Variants in INTU observed in about 807,000 individuals in gnomAD.
The protein encoded by INTU is inturned planar cell polarity protein.
A neutral mutation model predicts 100.5 loss-of-function variants in INTU; 68 were observed. The ratio of observed to expected loss-of-function variants is 0.68; its 90% CI spans 0.56 to 0.83. The LOEUF (loss-of-function observed/expected upper bound fraction) is 0.83, where lower values mean the gene tolerates loss of function less well. Ranked by LOEUF, INTU falls within the 40% of genes least tolerant of loss-of-function variation. The probability of loss-of-function intolerance (pLI) is 0.00; values close to 1 mark genes in which losing one functional copy is unlikely to be tolerated. For synonymous variants in INTU, 357 were observed against 395.7 expected, an observed-to-expected ratio of 0.90 and a Z score of 1.16; for missense variants, 1,071 against 1,114.7, an observed-to-expected ratio of 0.96 and a Z score of 0.56.
chr4:127,694,001 A>G (rs771590498), intron 8 of INTU, among the ~76,000 whole-genome samples: 12 of 152,026 alleles, frequency 7.9e-5, no homozygotes, highest in Non-Finnish European at 1.5e-4. Context: ...TTTTGCCCCT[A>G]TGTTCATCAG....
chr4:127,707,054 T>C lies in INTU; in HGVS notation c.2271+85T>C, dbSNP rs1051913525. 11 of 1,406,206 alleles carry C rather than the reference T, an allele frequency of 7.8e-6. No individual in the cohort carries two copies. In the African/African-American group the frequency reaches 1.6e-4, roughly 20 times the overall value. 87.1% of individuals were successfully genotyped at this position (1,406,206 alleles called of 1,614,324 possible). On this transcript the variant is annotated intron_variant, in intron 12 of 15. Transcript: ENST00000335251. ...TTATAATTGCAAGACATTTTTTTAG[T>C]GGCATACCATTCTTCATTTGACATG...
Position 127,669,126 on chromosome 4 carries a change from G to C in INTU, c.1063G>C (p.Glu355Gln). Residue 355 changes from glutamate to glutamine, a missense_variant, in exon 5 of 16, where the codon GAA becomes CAA. By Grantham distance (29) the Glu-to-Gln change is conservative. Transcript: ENST00000335251. Reference protein sequence around the residue: ...GIFLTLCDMLENVTGTQVTSS... With the variant: ...GIFLTLCDMLQNVTGTQVTSS... ...TTTTCTCACACTCTGTGACATGCTGGAAAACGTAACTGGGACACAAGTTAC... is the reference window on the plus strand; with the variant it reads ...TTTTCTCACACTCTGTGACATGCTGCAAAACGTAACTGGGACACAAGTTAC... 1.3e-6 allele frequency: 2 copies of C among 1,538,272 alleles called. No homozygotes were observed. Among genetic ancestry groups the C allele is most frequent in the Non-Finnish European group, 1.8e-6 (2 of 1,131,356 alleles).
At chr4:127,672,385 T>G (rs1728968914) in intron 5 of INTU, among the ~76,000 whole-genome samples, 1 of 152,022 alleles carries the variant, frequency 6.6e-6, no homozygotes, top group Admixed American at 6.6e-5. Flanking sequence ...TGTGACTGGC[T>G]TCTTTCATTT....
chr4:127,713,274 T>G (rs1246313670), intron 14 of INTU, among the ~76,000 whole-genome samples: 1 of 152,156 alleles, frequency 6.6e-6, no homozygotes, highest in Non-Finnish European at 1.5e-5. Flanking sequence ...GCTTCTGGAC[T>G]GTGGATATAT....
chr4:127,677,586 C>A (rs1274506598), intron 6 of INTU, among the ~76,000 whole-genome samples: 1 of 151,816 alleles, frequency 6.6e-6, no homozygotes, highest in Non-Finnish European at 1.5e-5. Context: ...ACATCCACAC[C>A]AAAAACCCAT....
chr4:127,654,205 G>A (rs1029566921), intron 2 of INTU, among the ~76,000 whole-genome samples: 3 of 151,786 alleles, frequency 2.0e-5, no homozygotes, highest in Non-Finnish European at 4.4e-5. Flanking sequence ...TTTAACTGGA[G>A]CATTTAGTCC....
chr4:127,633,149 G>A lies in INTU; in HGVS notation c.115G>A (p.Gly39Ser). 6.2e-7 allele frequency: 1 copy of A among 1,613,896 alleles called. No individual in the cohort carries two copies. The highest frequency in any genetic ancestry group is 8.5e-7 in the Non-Finnish European group (1 of 1,179,834). Reference protein sequence around the residue: ...YDFEDRVSDSGSYSSASSDYD... With the variant: ...YDFEDRVSDSSSYSSASSDYD... ...TTTTGAAGATCGGGTCAGCGACTCG[G>A]GTTCATATTCCTCAGCGAGTAGCGA... is the stretch of plus-strand genomic sequence containing the variant. The change falls in exon 1 of 16, where the codon GGT becomes AGT. Residue 39 changes from glycine (G) to serine (S), a missense_variant. By Grantham distance (56) the Gly-to-Ser change is moderately conservative. Transcript: ENST00000335251.
At chr4:127,642,797 C>T (rs1727389784) in intron 1 of INTU, among the ~76,000 whole-genome samples, 2 of 151,016 alleles carry the variant, frequency 1.3e-5, no homozygotes, top group South Asian at 4.2e-4. Flanking sequence ...CAGTGGCATA[C>T]TTCCCAGTTA....
At chr4:127,709,337 C>T (rs563595611) in intron 13 of INTU, among the ~76,000 whole-genome samples, 1 of 151,464 alleles carries the variant, frequency 6.6e-6, no homozygotes, top group Non-Finnish European at 1.5e-5. Flanking sequence ...CACTACACCC[C>T]TACAGCTGTT....
chr4:127,657,017 G>A (rs1468848118), intron 3 of INTU, among the ~76,000 whole-genome samples: 3 of 152,106 alleles, frequency 2.0e-5, no homozygotes, highest in Non-Finnish European at 4.4e-5. Flanking sequence ...ATATGCTTGT[G>A]ACAATCTGGT....
At chr4:127,707,331 C>T (rs1198848491) in intron 12 of INTU, among the ~76,000 whole-genome samples, 3 of 126,952 alleles carry the variant, frequency 2.4e-5, no homozygotes, top group East Asian at 2.4e-4. Context: ...TGCAATGAGC[C>T]GAGATTGTGC....
At chr4:127,712,600 A>T (rs1187014440) in intron 14 of INTU, among the ~76,000 whole-genome samples, 1 of 152,208 alleles carries the variant, frequency 6.6e-6, no homozygotes, top group Non-Finnish European at 1.5e-5. Context: ...AGAAAATAGT[A>T]TGCTGAGAAG....
intron 2 of INTU, among the ~76,000 whole-genome samples, chr4:127,645,100 A>G (rs910177160): frequency 2.0e-5 from 3 of 152,202 alleles, no homozygotes; most frequent in Admixed American, 6.6e-5. Flanking sequence ...TAAGAAGGGC[A>G]TCTGTGGCAA....
chr4:127,651,888 A>G (rs983617505), intron 2 of INTU, among the ~76,000 whole-genome samples: 6 of 150,872 alleles, frequency 4.0e-5, no homozygotes, highest in East Asian at 1.9e-4. Context: ...ATCCTCTTTT[A>G]TTTCCTTGAG....
chr4:127,638,630 A>G (rs1041541810), intron 1 of INTU, among the ~76,000 whole-genome samples: 1 of 152,192 alleles, frequency 6.6e-6, no homozygotes, highest in South Asian at 2.1e-4. Flanking sequence ...TAATATATTT[A>G]TGTTACAGCT....
At chr4:127,699,800 T>TA (rs956515369) in intron 8 of INTU, among the ~76,000 whole-genome samples, 56 of 152,294 alleles carry the variant, frequency 3.7e-4, no homozygotes, top group African/African-American at 1.3e-3. Context: ...TTGCAAAGCT[T>TA]AAAAACAATA....
chr4:127,656,487 G>A lies in INTU; in HGVS notation c.683-149G>A, dbSNP rs1195549646. The stretch of plus-strand genomic sequence containing the variant: ...AGAGTAGCCCTGCCACCAATGAGCT[G>A]TATAAACCTGGACAAGTTCCTGCTT... On this transcript the variant is annotated intron_variant, in intron 2 of 15. Transcript: ENST00000335251. 5 of 576,424 alleles carry A rather than the reference G, an allele frequency of 8.7e-6. No homozygotes were observed. The East Asian group carries it at 1.4e-4, about 16-fold the overall frequency. 35.7% of individuals were successfully genotyped at this position (576,424 alleles called of 1,614,324 possible). A position where few individuals can be genotyped will look rare whatever the true frequency, so the allele number is the denominator to read the frequency against.
In INTU at chr4:127,706,527, G is replaced by A. The variant is rs1730884977; in HGVS notation, c.1829G>A (p.Cys610Tyr). 1.9e-6 allele frequency: 3 copies of A among 1,613,768 alleles called. No homozygotes were observed. The highest frequency in any genetic ancestry group is 2.5e-6 in the Non-Finnish European group (3 of 1,179,764). ...TGTGTACTATTAGAAGCTGGAGGTT[G>A]CGCATCCAAAGCTATTGGGAGTCCT... ...MLCVLLEAGG[C>Y]ASKAIGSPGP... The change falls in exon 12 of 16, where the codon TGC becomes TAC. Residue 610 changes from cysteine to tyrosine, a missense_variant. Physicochemically the swap from Cys to Tyr is radical, Grantham distance 194 (BLOSUM62 -2). Coordinates refer to ENST00000335251, the MANE Select transcript of INTU (RefSeq NM_015693.4).
At chr4:127,702,114 A>G (rs1320149326) in intron 9 of INTU, among the ~76,000 whole-genome samples, 2 of 152,158 alleles carry the variant, frequency 1.3e-5, no homozygotes, top group African/African-American at 4.8e-5. Flanking sequence ...CCTTTATAGA[A>G]CACTATTTTA....
Sources: allele counts gnomAD v4.1 joint callset (sites outside exome capture counted in the v4.1 genomes callset), GRCh38; gene constraint gnomAD v4.1.1; transcripts MANE v1.5; gene names NCBI Gene and HGNC (gene_info 2026-07-23, HGNC 2026-07-21).